The following KCNH8 variants were observed in gnomAD, a reference collection of about 807,000 sequenced individuals.
The protein encoded by KCNH8 is voltage-gated delayed rectifier potassium channel KCNH8.
Under a neutral mutation model 103.6 loss-of-function variants are expected in KCNH8, and 70 were observed. The ratio of observed to expected loss-of-function variants is 0.68; its 90% CI spans 0.56 to 0.82. The LOEUF is 0.82. Among genes scored for constraint, KCNH8 ranks in the 40% least tolerant of loss-of-function variants. The pLI, the probability that KCNH8 is intolerant of heterozygous loss-of-function variation, is 0.00. For synonymous variants in KCNH8, 498 were observed against 489.4 expected, an observed-to-expected ratio of 1.02 and a Z score of -0.23; for missense variants, 1,217 against 1,329.9, an observed-to-expected ratio of 0.92 and a Z score of 1.32.
chr3:19,159,517 TG>T (rs1223507786), intron 1 of KCNH8, among the ~76,000 whole-genome samples: 1 of 152,184 alleles, frequency 6.6e-6, no homozygotes, highest in African/African-American at 2.4e-5. Context: ...TTTTTCATAT[TG>T]TAATAAGGCA....
intron 1 of KCNH8, among the ~76,000 whole-genome samples, chr3:19,155,877 A>G (rs1416945901): frequency 6.6e-6 from 1 of 151,910 alleles, no homozygotes; most frequent in Non-Finnish European, 1.5e-5. Context: ...TCGACCATGA[A>G]CTCCTTGAAG....
Position 19,300,384 on chromosome 3 carries a change from T to C in KCNH8, c.442+19055T>C, listed in dbSNP as rs573457840. On this transcript the variant is annotated intron_variant, in intron 3 of 15. Transcript: ENST00000328405. ...ATAGGAAGACTCACCATGGGGCAAG[T>C]TGATAAATACCGAAACAAGACAGAG... Among the ~76,000 whole-genome samples the C allele has an allele frequency of 7.9e-5, 12 of 152,322 alleles. No individual in the cohort carries two copies. In the East Asian group the frequency reaches 2.1e-3, roughly 27 times the overall value.
At chr3:19,372,114 T>C (rs139283103) in intron 5 of KCNH8, among the ~76,000 whole-genome samples, 35,051 of 151,952 alleles carry the variant, frequency 0.23, 4,394 homozygotes, top group Middle Eastern at 0.31. Context: ...TGGTTCCATA[T>C]GAACTTTAAA....
At chr3:19,278,683 A>G (rs2064713457) in intron 2 of KCNH8, among the ~76,000 whole-genome samples, 1 of 152,184 alleles carries the variant, frequency 6.6e-6, no homozygotes, top group Non-Finnish European at 1.5e-5. Flanking sequence ...TTCATGTAAA[A>G]TCATTCCAAA....
At chr3:19,382,881 C>T (rs1305455263) in intron 5 of KCNH8, among the ~76,000 whole-genome samples, 1 of 152,078 alleles carries the variant, frequency 6.6e-6, no homozygotes, top group East Asian at 1.9e-4. Flanking sequence ...ATGCTATGTA[C>T]AATGGGCAGA....
At chr3:19,287,285 G>A (rs2064845179) in intron 3 of KCNH8, among the ~76,000 whole-genome samples, 1 of 152,058 alleles carries the variant, frequency 6.6e-6, no homozygotes, top group Admixed American at 6.6e-5. Context: ...GAGAAAAACG[G>A]AACCAGACAT....
intron 7 of KCNH8, among the ~76,000 whole-genome samples, chr3:19,413,030 AAAC>A (rs2066805381): frequency 6.6e-6 from 1 of 152,068 alleles, no homozygotes; most frequent in South Asian, 2.1e-4. Flanking sequence ...ATCCAAAAGA[AAAC>A]AAATCATTTC....
At chr3:19,346,547 G>C (rs900431121) in intron 4 of KCNH8, 14 of 447,686 alleles carry the variant, frequency 3.1e-5, no homozygotes, top group South Asian at 2.2e-4. Flanking sequence ...AGAAATGCCA[G>C]ACAGGGGTGC....
At chr3:19,334,456 A>G (rs2065554879) in intron 3 of KCNH8, among the ~76,000 whole-genome samples, 1 of 152,164 alleles carries the variant, frequency 6.6e-6, no homozygotes, top group Non-Finnish European at 1.5e-5. Context: ...AAAACAGAAC[A>G]AAGCAGGGCT....
chr3:19,428,479 G>A (rs1392040696), intron 7 of KCNH8, among the ~76,000 whole-genome samples: 1 of 152,128 alleles, frequency 6.6e-6, no homozygotes, highest in African/African-American at 2.4e-5. Flanking sequence ...TTTCAATAAT[G>A]AAGGATTTTT....
At chr3:19,503,890 G>T (rs1575152406) in intron 11 of KCNH8, among the ~76,000 whole-genome samples, 1 of 151,842 alleles carries the variant, frequency 6.6e-6, no homozygotes, top group South Asian at 2.1e-4. Flanking sequence ...TAACTAACCT[G>T]CACATTGTGC....
At chr3:19,278,569 GA>G (rs2064711509) in intron 2 of KCNH8, among the ~76,000 whole-genome samples, 1 of 141,062 alleles carries the variant, frequency 7.1e-6, no homozygotes, top group Admixed American at 7.1e-5. Context: ...GAGGGAGGAG[GA>G]AGGGAGGGAG....
intron 7 of KCNH8, among the ~76,000 whole-genome samples, chr3:19,417,782 G>A (rs2066885873): frequency 6.6e-6 from 1 of 151,986 alleles, no homozygotes; most frequent in African/African-American, 2.4e-5. Flanking sequence ...AGACAAAACA[G>A]AAAAAGAACC....
At chr3:19,370,358 A>G (rs1383566271) in intron 5 of KCNH8, among the ~76,000 whole-genome samples, 1 of 152,108 alleles carries the variant, frequency 6.6e-6, no homozygotes, top group Non-Finnish European at 1.5e-5. Context: ...GGTTGAGTAA[A>G]TAGTTGAAGG....
chr3:19,205,302 A>G (rs2063703673), intron 1 of KCNH8, among the ~76,000 whole-genome samples: 1 of 152,076 alleles, frequency 6.6e-6, no homozygotes, highest in African/African-American at 2.4e-5. Flanking sequence ...CTATATTTCA[A>G]TATAGCTAGA....
At chr3:19,398,463 G>A (rs1372121782) in intron 7 of KCNH8, among the ~76,000 whole-genome samples, 4 of 151,908 alleles carry the variant, frequency 2.6e-5, no homozygotes, top group Non-Finnish European at 4.4e-5. Flanking sequence ...TCTCACAGAA[G>A]GTGAATGGAG....
At chr3:19,481,928 A>G (rs1054657161) in intron 11 of KCNH8, among the ~76,000 whole-genome samples, 9 of 152,336 alleles carry the variant, frequency 5.9e-5, no homozygotes, top group African/African-American at 1.9e-4. Context: ...GATGAGCCAC[A>G]GACTAGAACC....
chr3:19,515,420 C>T lies in KCNH8; in HGVS notation c.2534C>T (p.Pro845Leu). The T allele has an allele frequency of 6.6e-7, 1 of 1,518,464 alleles. No individual in the cohort carries two copies. Among genetic ancestry groups the T allele is most frequent in the Non-Finnish European group, 8.9e-7 (1 of 1,124,602 alleles). 94.1% of individuals were successfully genotyped at this position (1,518,464 alleles called of 1,614,324 possible). ...RIRSEPRISPPLGDPEIGAAV... is the reference protein window; with the variant it reads ...RIRSEPRISPLLGDPEIGAAV... ...AGATCAGAGCCCAGAATTTCTCCTC[C>T]TCTTGGAGGTAAGATCTATATTTAG... Residue 845 changes from proline (P) to leucine (L), a missense_variant, in exon 14 of 16, where the codon CCT becomes CTT. Physicochemically the swap from Pro to Leu is moderately conservative, Grantham distance 98 (BLOSUM62 -3). Coordinates refer to ENST00000328405, the MANE Select transcript of KCNH8 (RefSeq NM_144633.3).
chr3:19,470,540 A>AT (rs1464669789), intron 11 of KCNH8, among the ~76,000 whole-genome samples: 1 of 152,176 alleles, frequency 6.6e-6, no homozygotes, highest in African/African-American at 2.4e-5. Context: ...AGTGGTTCAG[A>AT]TTTAAGTCAC....
Sources: allele counts gnomAD v4.1 joint callset (sites outside exome capture counted in the v4.1 genomes callset), GRCh38; gene constraint gnomAD v4.1.1; transcripts MANE v1.5; gene names NCBI Gene and HGNC (gene_info 2026-07-23, HGNC 2026-07-21).